Variants in DPP8 observed in about 807,000 individuals in gnomAD.
DPP8 encodes dipeptidyl peptidase 8, also known as DPP VIII.
DPP8 carries 31 observed loss-of-function variants against 107.5 expected under a neutral mutation model. The observed-to-expected ratio is 0.29, with a 90% confidence interval of 0.22 to 0.39. The LOEUF is 0.39. Among genes scored for constraint, DPP8 ranks in the 10% least tolerant of loss-of-function variants. DPP8 has a pLI of 1.00. For missense variants in DPP8, 842 were observed against 1,076.1 expected (o/e 0.78, Z 3.04); for synonymous variants, 381 against 356.6 (o/e 1.07, Z -0.77).
At position 65,497,924 on chromosome 15, in the gene DPP8, C is replaced by T; in HGVS notation, c.655G>A (p.Asp219Asn). The T allele has an allele frequency of 6.2e-7, 1 of 1,602,266 alleles. No individual in the cohort carries two copies. The change falls in exon 5 of 20, where the codon GAT (aspartate) becomes AAT (asparagine). Residue 219 changes from aspartate (D) to asparagine (N), a missense_variant. Physicochemically the swap from Asp to Asn is conservative, Grantham distance 23 (BLOSUM62 1). This residue lies in a region of DPP8 where 663 missense variants were observed against 758.0 expected (regional missense o/e 0.87). Transcript: ENST00000300141. ...PDWIAFIHSN[D>N]IWISNIVTRE... ...GTTACGATGTTAGATATCCAAATAT[C>T]GTTGCTATGTATAAAAGCAATCCAG...
intron 2 of DPP8, chr15:65,512,034 G>C (rs1208251365): frequency 3.3e-6 from 2 of 602,846 alleles, no homozygotes; most frequent in Admixed American, 4.3e-5. Flanking sequence ...GGCATTTCAA[G>C]CTAGCTTTAG....
At chr15:65,498,719 T>A (rs1401965854) in intron 4 of DPP8, among the ~76,000 whole-genome samples, 1 of 152,062 alleles carries the variant, frequency 6.6e-6, no homozygotes, top group Admixed American at 6.6e-5. Context: ...CTCATAAAAA[T>A]GTAATAGAAG....
At chr15:65,455,061 C>A (rs1165000592) in intron 16 of DPP8, among the ~76,000 whole-genome samples, 1 of 152,192 alleles carries the variant, frequency 6.6e-6, no homozygotes, top group Admixed American at 6.5e-5. Flanking sequence ...AGGTCAGCAT[C>A]TTCCTTGTAA....
intron 10 of DPP8, 63 bp downstream of exon 10, chr15:65,480,159 A>C (rs899944654): frequency 6.8e-7 from 1 of 1,466,112 alleles, no homozygotes; most frequent in African/African-American, 1.4e-5. Flanking sequence ...AGTTTGCTAT[A>C]TAACTTCATT....
At chr15:65,516,795 C>G (rs2071491398) in intron 1 of DPP8, 1 of 152,216 alleles carries the variant, frequency 6.6e-6, no homozygotes, top group South Asian at 2.1e-4. Flanking sequence ...GGGTCCACAC[C>G]TAGTTGAGAG....
Position 65,450,945 on chromosome 15 carries a change from G to C in DPP8, c.2526+54C>G, listed in dbSNP as rs149252103. The stretch of plus-strand genomic sequence containing the variant: ...TACCCCACAGCTAATAGATTTCAAA[G>C]TAATCAATCACTAATCATGACTGCA... On this transcript the variant is annotated intron_variant, in intron 19 of 19. Transcript: ENST00000300141. 20 of 1,114,456 alleles carry C rather than the reference G, an allele frequency of 1.8e-5. No homozygotes were observed. The East Asian group carries it at 4.6e-4, about 25-fold the overall frequency. 69.0% of individuals were successfully genotyped at this position (1,114,456 alleles called of 1,614,324 possible). A position where few individuals can be genotyped will look rare whatever the true frequency, so the allele number is the denominator to read the frequency against.
In DPP8 at chr15:65,480,181, T is replaced by G. The variant is rs778318885; in HGVS notation, c.1296+41A>C. The stretch of plus-strand genomic sequence containing the variant: ...TATATAACTTCATTTGCTTTAGCAT[T>G]CTGAGAAAATATTTAAACAAATACA... On this transcript the variant is annotated intron_variant, in intron 10 of 19. Transcript: ENST00000300141. The G allele has an allele frequency of 6.4e-6, 10 of 1,563,516 alleles. No individual in the cohort carries two copies. In the Admixed American group the frequency reaches 9.5e-5, roughly 15 times the overall value.
At chr15:65,468,072 CT>C (rs1567175594) in intron 12 of DPP8, among the ~76,000 whole-genome samples, 1 of 152,030 alleles carries the variant, frequency 6.6e-6, no homozygotes, top group African/African-American at 2.4e-5. Flanking sequence ...TCATTCAGAA[CT>C]CAAAAAAACC....
intron 19 of DPP8, among the ~76,000 whole-genome samples, chr15:65,447,328 T>C (rs1325360444): frequency 6.6e-6 from 1 of 152,188 alleles, no homozygotes; most frequent in Non-Finnish European, 1.5e-5. Context: ...AGACATTATT[T>C]GCCTTTACTT....
chr15:65,454,241 A>G (rs1185086982), intron 17 of DPP8, 22 bp downstream of exon 17: 4 of 1,440,644 alleles, frequency 2.8e-6, no homozygotes, highest in Non-Finnish European at 3.7e-6. Flanking sequence ...TGCAAAAATG[A>G]GTATAATAGG....
chr15:65,446,657 T>G lies in DPP8; in HGVS notation c.*227A>C. 1 of 211,044 alleles carries G rather than the reference T, an allele frequency of 4.7e-6. No individual in the cohort carries two copies. The allele number at this position is 211,044 out of a possible 1,614,324, so 13.1% of individuals were successfully genotyped here. On this transcript the variant is annotated 3_prime_UTR_variant, in exon 20 of 20. Transcript: ENST00000300141. The stretch of plus-strand genomic sequence containing the variant: ...TTTTTAGTAATTCTTATGGTATTGC[T>G]GGGTCTCTCAGGAATATGTATCATT...
chr15:65,487,548 T>C, intron 7 of DPP8, 142 bp downstream of exon 7: 1 of 723,674 alleles, frequency 1.4e-6, no homozygotes, highest in East Asian at 2.9e-5. Context: ...CAAAATCTAT[T>C]TTTGTGGTAC....
intron 15 of DPP8, among the ~76,000 whole-genome samples, chr15:65,458,227 G>A (rs72739483): frequency 0.2 from 30,596 of 151,952 alleles, 3,433 homozygotes; most frequent in African/African-American, 0.29. Context: ...AACAGTGTCT[G>A]GCACATTCTA....
chr15:65,463,664 T>G, intron 15 of DPP8, 97 bp downstream of exon 15: 1 of 1,060,958 alleles, frequency 9.4e-7, no homozygotes, highest in Admixed American at 2.5e-5. Flanking sequence ...TGCCCAACAA[T>G]GCTCAAAATC....
At chr15:65,489,214 C>A (rs2067754081) in intron 6 of DPP8, among the ~76,000 whole-genome samples, 1 of 151,950 alleles carries the variant, frequency 6.6e-6, no homozygotes, top group Non-Finnish European at 1.5e-5. Flanking sequence ...CCGCCTTGGC[C>A]TCCCAAAGTG....
At chr15:65,452,635 T>C (rs563083526) in intron 17 of DPP8, among the ~76,000 whole-genome samples, 5 of 152,254 alleles carry the variant, frequency 3.3e-5, no homozygotes, top group African/African-American at 9.6e-5. Context: ...ATTATCTAGA[T>C]ATATGTGCAA....
At chr15:65,515,922 T>C (rs757030549) in intron 1 of DPP8, 7 of 511,870 alleles carry the variant, frequency 1.4e-5, no homozygotes, top group South Asian at 1.1e-4. Flanking sequence ...CAATATATAA[T>C]GCCTACATTA....
intron 11 of DPP8, among the ~76,000 whole-genome samples, chr15:65,477,529 ATT>A (rs1174774140): frequency 2.9e-4 from 41 of 139,804 alleles, no homozygotes; most frequent in African/African-American, 8.0e-4. Flanking sequence ...CTTTTCCACA[ATT>A]TTTTTTTTTT....
At chr15:65,511,655 A>AAC (rs2070788572) in intron 2 of DPP8, among the ~76,000 whole-genome samples, 1 of 150,632 alleles carries the variant, frequency 6.6e-6, no homozygotes, top group South Asian at 2.1e-4. Flanking sequence ...AAAAAAAAAA[A>AAC]AAACTATAAT....
Sources: gnomAD v4.1 joint callset for allele counts (sites outside exome capture counted in the v4.1 genomes callset) on GRCh38, gnomAD v4.1.1 for gene constraint, gnomAD v4.1.1 regional missense constraint, MANE v1.5 for transcripts, NCBI Gene and HGNC (gene_info 2026-07-23, HGNC 2026-07-21) for gene names.